Variants in ABCA12 observed in about 807,000 individuals in gnomAD.
The protein encoded by ABCA12 is ATP binding cassette subfamily A member 12.
In ABCA12, 156 loss-of-function variants were observed where a neutral mutation model predicts 293.5. The ratio of observed to expected loss-of-function variants is 0.53; its 90% CI spans 0.47 to 0.61. ABCA12 has a LOEUF of 0.61. ABCA12 is among the 20% of genes least tolerant of loss of function. ABCA12 has a pLI of 0.00. For missense variants in ABCA12, 2,797 were observed against 3,090.2 expected, an observed-to-expected ratio of 0.91 and a Z score of 2.25; for synonymous variants, 1,063 against 1,108.0, an observed-to-expected ratio of 0.96 and a Z score of 0.81.
intron 35 of ABCA12, 60 bp from the exon 36 acceptor site, chr2:214,974,102 T>C: frequency 1.4e-6 from 2 of 1,409,154 alleles, no homozygotes; most frequent in Non-Finnish European, 2.0e-6. Context: ...CATGTTTACA[T>C]ATGAGCATGT....
chr2:215,042,344 C>A (rs1402730494), intron 7 of ABCA12: 2 of 152,290 alleles, frequency 1.3e-5, no homozygotes, highest in East Asian at 3.9e-4. Context: ...TCAAGCGATC[C>A]TCCCACCTCA....
chr2:214,997,618 A>G, intron 23 of ABCA12, 77 bp downstream of exon 23: 1 of 1,130,808 alleles, frequency 8.8e-7, no homozygotes. Context: ...TCTGAAGTTT[A>G]TAAAGGCATG....
At chr2:215,003,454 A>T (rs1700185306) in intron 20 of ABCA12, among the ~76,000 whole-genome samples, 1 of 151,998 alleles carries the variant, frequency 6.6e-6, no homozygotes. Flanking sequence ...CTAACTCTAT[A>T]TCTCTTCTAA....
At chr2:215,104,371 C>T (rs893191910) in intron 2 of ABCA12, among the ~76,000 whole-genome samples, 1 of 152,184 alleles carries the variant, frequency 6.6e-6, no homozygotes, top group Non-Finnish European at 1.5e-5. Context: ...ACCTTGTCAT[C>T]GTGTTAGCTG....
At chr2:215,005,573 G>A (rs1048929854) in intron 19 of ABCA12, among the ~76,000 whole-genome samples, 10 of 152,094 alleles carry the variant, frequency 6.6e-5, no homozygotes, top group Admixed American at 1.3e-4. Context: ...CTTTAAGATC[G>A]GTTTATCAGG....
At chr2:215,090,449 A>G (rs1472859774) in intron 2 of ABCA12, among the ~76,000 whole-genome samples, 1 of 152,134 alleles carries the variant, frequency 6.6e-6, no homozygotes, top group Non-Finnish European at 1.5e-5. Flanking sequence ...AAATCAGTTA[A>G]GCGGCTTCTT....
intron 1 of ABCA12, among the ~76,000 whole-genome samples, chr2:215,119,717 T>C (rs1702761250): frequency 7.5e-6 from 1 of 132,566 alleles, no homozygotes; most frequent in Admixed American, 7.9e-5. Context: ...TGAGTCAGAA[T>C]GGCCATCATT....
chr2:214,950,934 A>G lies in ABCA12; in HGVS notation c.6797T>C (p.Ile2266Thr), dbSNP rs1458387068. 1 of 1,614,032 alleles carries G rather than the reference A, an allele frequency of 6.2e-7. No homozygotes were observed. Among genetic ancestry groups the G allele is most frequent in the African/African-American group, 1.3e-5 (1 of 74,922 alleles). ...LYCLTKTYQL[I>T]HKKIIAVNNI... Reference sequence around the variant, plus strand: ...GTTTACAGCTATAATCTTTTTGTGGATAAGTTGGTAGGTCTTTGTGAGACA... The same window carrying G: ...GTTTACAGCTATAATCTTTTTGTGGGTAAGTTGGTAGGTCTTTGTGAGACA... Residue 2266 changes from isoleucine (I) to threonine (T), a missense_variant, in exon 45 of 53, where the codon ATC (isoleucine) becomes ACC (threonine). Transcript: ENST00000272895.
intron 1 of ABCA12, among the ~76,000 whole-genome samples, chr2:215,135,065 C>T (rs1034603845): frequency 1.3e-5 from 2 of 152,038 alleles, no homozygotes; most frequent in African/African-American, 4.8e-5. Context: ...CAGGTTCAAG[C>T]GATTTTCCTG....
chr2:215,015,819 A>G (rs1179766119), intron 14 of ABCA12, among the ~76,000 whole-genome samples, 156 bp from the exon 15 acceptor site: 1 of 152,250 alleles, frequency 6.6e-6, no homozygotes, highest in Non-Finnish European at 1.5e-5. Context: ...TACTATTAAT[A>G]AGACAATAGA....
chr2:215,059,070 T>C (rs1002283372), intron 3 of ABCA12, among the ~76,000 whole-genome samples: 1 of 152,040 alleles, frequency 6.6e-6, no homozygotes, highest in African/African-American at 2.4e-5. Flanking sequence ...AAGGGACATA[T>C]GGCAAATCCT....
intron 2 of ABCA12, among the ~76,000 whole-genome samples, chr2:215,104,571 T>G (rs1443448804): frequency 6.6e-6 from 1 of 152,186 alleles, no homozygotes; most frequent in Non-Finnish European, 1.5e-5. Flanking sequence ...CAAATCCCAA[T>G]TTCAGTTTCT....
intron 1 of ABCA12, among the ~76,000 whole-genome samples, chr2:215,133,430 C>T (rs79158704): frequency 0.038 from 5,796 of 151,770 alleles, 145 homozygotes; most frequent in African/African-American, 0.049. Context: ...TTTACATAAT[C>T]TCATACTTCT....
chr2:215,125,113 A>T (rs1417599749), intron 1 of ABCA12, among the ~76,000 whole-genome samples: 1 of 141,276 alleles, frequency 7.1e-6, no homozygotes, highest in African/African-American at 3.2e-5. Flanking sequence ...AGTTGGCTGT[A>T]AGTATTTGGG....
chr2:215,047,628 TA>T (rs1192070681), intron 6 of ABCA12, among the ~76,000 whole-genome samples: 1 of 151,946 alleles, frequency 6.6e-6, no homozygotes, highest in East Asian at 1.9e-4. Flanking sequence ...TCAACTCAAT[TA>T]AAAAATATAC....
chr2:214,983,288 C>T (rs1699709400), intron 29 of ABCA12, among the ~76,000 whole-genome samples: 1 of 152,064 alleles, frequency 6.6e-6, no homozygotes, highest in Non-Finnish European at 1.5e-5. Context: ...GTCTGATTTG[C>T]AGTTGAAAAA....
At chr2:215,018,635 T>C (rs1056476154) in intron 13 of ABCA12, among the ~76,000 whole-genome samples, 5 of 152,206 alleles carry the variant, frequency 3.3e-5, no homozygotes, top group African/African-American at 9.6e-5. Flanking sequence ...CACTTTTAAA[T>C]AGAACGTGTT....
chr2:215,031,769 A>C, intron 9 of ABCA12, 52 bp downstream of exon 9: 2 of 1,607,432 alleles, frequency 1.2e-6, no homozygotes, highest in Admixed American at 3.3e-5. Flanking sequence ...AATTGTTTTG[A>C]TTGTTTATTC....
chr2:215,075,595 A>G (rs1410216280), intron 2 of ABCA12: 3 of 694,434 alleles, frequency 4.3e-6, no homozygotes, highest in South Asian at 1.5e-5. Context: ...ATCCATCACA[A>G]GTGTTCCAAG....
Sources: allele counts gnomAD v4.1 joint callset (sites outside exome capture counted in the v4.1 genomes callset), GRCh38; gene constraint gnomAD v4.1.1; transcripts MANE v1.5; gene names NCBI Gene and HGNC (gene_info 2026-07-23, HGNC 2026-07-21).